Variants in KCNIP4 observed in about 807,000 individuals in gnomAD.
The protein encoded by KCNIP4 is Kv channel-interacting protein 4.
In KCNIP4, 12 loss-of-function variants were observed where a neutral mutation model predicts 34.0. That is an observed-to-expected ratio of 0.35 (90% CI 0.23 to 0.57). The LOEUF (loss-of-function observed/expected upper bound fraction) is 0.57, where lower values mean the gene tolerates loss of function less well. Among genes scored for constraint, KCNIP4 ranks in the 20% least tolerant of loss-of-function variants. The probability of loss-of-function intolerance (pLI) is 0.83; values close to 1 mark genes in which losing one functional copy is unlikely to be tolerated. For synonymous variants in KCNIP4, 124 were observed against 102.2 expected (o/e 1.21, Z -1.29); for missense variants, 238 against 311.7 (o/e 0.76, Z 1.78).
intron 1 of KCNIP4, among the ~76,000 whole-genome samples, chr4:21,051,079 T>C (rs1742887632): frequency 6.6e-6 from 1 of 152,220 alleles, no homozygotes; most frequent in South Asian, 2.1e-4. Flanking sequence ...GGCACTAGCT[T>C]CTCTGCCAGC....
Position 20,995,822 on chromosome 4 carries a change from G to T in KCNIP4, c.62-113113C>A, listed in dbSNP as rs184987909. ...ACCGGTTATGTACCATGCAAAATAT[G>T]CAAGGGACTGTGGGGCATGAAGGGT... On this transcript the variant is annotated intron_variant, in intron 1 of 8. Coordinates refer to ENST00000382152, the MANE Select transcript of KCNIP4 (RefSeq NM_025221.6). 2.1e-3 allele frequency among the ~76,000 whole-genome samples: 322 copies of T among 152,294 alleles called. 1 individual carries two copies. The highest frequency in any genetic ancestry group is 7.3e-3 in the African/African-American group (303 of 41,568).
intron 1 of KCNIP4, among the ~76,000 whole-genome samples, chr4:21,036,212 A>C (rs1367729307): frequency 6.6e-6 from 1 of 152,172 alleles, no homozygotes; most frequent in Non-Finnish European, 1.5e-5. Flanking sequence ...TGCCTTTATG[A>C]ATACTGTATA....
In KCNIP4 at chr4:21,490,603, C is replaced by A. The variant is rs185912799; in HGVS notation, c.61+457968G>T. Among the ~76,000 whole-genome samples the A allele has an allele frequency of 1.2e-4, 19 of 152,240 alleles. No individual in the cohort carries two copies. The East Asian group carries it at 2.1e-3, about 17-fold the overall frequency. On this transcript the variant is annotated intron_variant, in intron 1 of 8. Transcript: ENST00000382152. ...GAAATAAGATTTCTAACAACTGAATCAAATCCATTTAACAAGTCATTCTGT... is the reference window on the plus strand; with the variant it reads ...GAAATAAGATTTCTAACAACTGAATAAAATCCATTTAACAAGTCATTCTGT...
At chr4:21,769,069 C>T (rs1039549955) in intron 1 of KCNIP4, among the ~76,000 whole-genome samples, 1 of 151,826 alleles carries the variant, frequency 6.6e-6, no homozygotes, top group African/African-American at 2.4e-5. Context: ...AATGGGAAGG[C>T]CTTTGACATG....
chr4:20,734,397 G>A (rs888146166), intron 6 of KCNIP4, among the ~76,000 whole-genome samples: 1 of 152,116 alleles, frequency 6.6e-6, no homozygotes, highest in East Asian at 1.9e-4. Context: ...TATTTATTAA[G>A]ATGCCAGCAG....
At position 21,870,491 on chromosome 4, in the gene KCNIP4, T is replaced by C. The variant is rs902546130; in HGVS notation, c.61+78080A>G. 4.6e-5 allele frequency among the ~76,000 whole-genome samples: 7 copies of C among 152,342 alleles called. No homozygotes were observed. In the East Asian group the frequency reaches 9.7e-4, roughly 21 times the overall value. ...TTTTATATGCTACTGATACATGTGA[T>C]GCATGTTAGAACATGTAGATGCTAA... On this transcript the variant is annotated intron_variant, in intron 1 of 8. Transcript: ENST00000382152.
At chr4:20,749,767 T>A in intron 4 of KCNIP4, 35 bp from the exon 5 acceptor site, 1 of 1,417,862 alleles carries the variant, frequency 7.1e-7, no homozygotes. Flanking sequence ...ATTAAGTCAG[T>A]GTTTCCATAT....
At chr4:21,150,712 T>A (rs1271451693) in intron 1 of KCNIP4, among the ~76,000 whole-genome samples, 1 of 152,208 alleles carries the variant, frequency 6.6e-6, no homozygotes, top group Admixed American at 6.5e-5. Context: ...CTTAATTGAA[T>A]CAAATTAGAA....
intron 3 of KCNIP4, among the ~76,000 whole-genome samples, chr4:20,777,860 G>T (rs1361338367): frequency 6.6e-6 from 1 of 152,194 alleles, no homozygotes; most frequent in Non-Finnish European, 1.5e-5. Flanking sequence ...ACAGCTATCA[G>T]TTTGTGCTCC....
intron 1 of KCNIP4, among the ~76,000 whole-genome samples, chr4:20,956,690 CT>C (rs1560599903): frequency 2.0e-5 from 3 of 152,058 alleles, no homozygotes; most frequent in African/African-American, 7.2e-5. Flanking sequence ...TATTCTAAAT[CT>C]TTTTATGATT....
At chr4:20,863,066 A>C (rs1373460951) in intron 2 of KCNIP4, among the ~76,000 whole-genome samples, 1 of 152,148 alleles carries the variant, frequency 6.6e-6, no homozygotes, top group Non-Finnish European at 1.5e-5. Context: ...CCCACTGCCT[A>C]GACAGAGCCA....
At chr4:21,576,365 G>T (rs1051671636) in intron 1 of KCNIP4, among the ~76,000 whole-genome samples, 1 of 152,202 alleles carries the variant, frequency 6.6e-6, no homozygotes, top group East Asian at 1.9e-4. Flanking sequence ...ATAAACCAAG[G>T]TCACGTCGGC....
chr4:21,480,165 C>T (rs1236217809), intron 1 of KCNIP4, among the ~76,000 whole-genome samples: 8 of 151,802 alleles, frequency 5.3e-5, no homozygotes, highest in African/African-American at 1.7e-4. Flanking sequence ...CCTATTGCAT[C>T]CTAAAAAGTC....
intron 6 of KCNIP4, 21 bp downstream of exon 6, chr4:20,734,607 T>A: frequency 9.7e-7 from 1 of 1,029,692 alleles, no homozygotes; most frequent in Non-Finnish European, 1.4e-6. Flanking sequence ...ATTACTGTGA[T>A]GTTGGTGAGG....
chr4:21,467,046 A>AAAACC (rs1241580107), intron 1 of KCNIP4, among the ~76,000 whole-genome samples: 3 of 148,582 alleles, frequency 2.0e-5, no homozygotes, highest in Admixed American at 6.9e-5. Flanking sequence ...GTGACAAACC[A>AAAACC]AAACCAAACC....
chr4:21,569,862 G>A (rs1740227469), intron 1 of KCNIP4, among the ~76,000 whole-genome samples: 1 of 152,040 alleles, frequency 6.6e-6, no homozygotes, highest in Non-Finnish European at 1.5e-5. Context: ...GGACCTCTTA[G>A]GGAAAAAAAG....
At chr4:20,822,161 A>G (rs1056304336) in intron 3 of KCNIP4, among the ~76,000 whole-genome samples, 3 of 152,350 alleles carry the variant, frequency 2.0e-5, no homozygotes, top group South Asian at 2.1e-4. Context: ...TTTGGAAACT[A>G]TACATCCAAT....
intron 3 of KCNIP4, among the ~76,000 whole-genome samples, chr4:20,837,906 T>C (rs1356507156): frequency 2.6e-5 from 4 of 151,392 alleles, no homozygotes; most frequent in Non-Finnish European, 5.9e-5. Context: ...GCCAGGTTGG[T>C]CTTGAACATG....
chr4:21,688,606 G>A (rs1055045796), intron 1 of KCNIP4, among the ~76,000 whole-genome samples: 5 of 152,050 alleles, frequency 3.3e-5, no homozygotes, highest in African/African-American at 4.8e-5. Context: ...GGGTTCCAAG[G>A]AAAGAAAATA....
Sources: allele counts gnomAD v4.1 joint callset (sites outside exome capture counted in the v4.1 genomes callset), GRCh38; gene constraint gnomAD v4.1.1; transcripts MANE v1.5; gene names NCBI Gene and HGNC (gene_info 2026-07-23, HGNC 2026-07-21).